The following SLC35F4 variants were observed in gnomAD, a reference collection of about 807,000 sequenced individuals.
SLC35F4 encodes the protein chromosome 14 open reading frame 36.
A neutral mutation model predicts 44.2 loss-of-function variants in SLC35F4; 24 were observed. The observed-to-expected ratio is 0.54, with a 90% confidence interval of 0.39 to 0.76. The LOEUF (loss-of-function observed/expected upper bound fraction) is 0.76. Ranked by LOEUF, SLC35F4 falls within the 30% of genes least tolerant of loss-of-function variation. SLC35F4 has a pLI of 0.00. For synonymous variants in SLC35F4, 238 were observed against 223.6 expected (o/e 1.06, Z -0.57); for missense variants, 562 against 586.1 (o/e 0.96, Z 0.42).
At chr14:57,758,796 C>T (rs1255190662) in intron 1 of SLC35F4, among the ~76,000 whole-genome samples, 1 of 152,086 alleles carries the variant, frequency 6.6e-6, no homozygotes. Flanking sequence ...TTAAAAAATT[C>T]TATATAATAA....
chr14:57,892,029 C>T (rs1888781474), intron 1 of SLC35F4, among the ~76,000 whole-genome samples: 1 of 151,984 alleles, frequency 6.6e-6, no homozygotes, highest in Non-Finnish European at 1.5e-5. Flanking sequence ...AAAATAATTC[C>T]AAGAGCTTTG....
At chr14:57,686,264 A>G (rs1398401709) in intron 1 of SLC35F4, among the ~76,000 whole-genome samples, 1 of 152,204 alleles carries the variant, frequency 6.6e-6, no homozygotes, top group African/African-American at 2.4e-5. Flanking sequence ...AATGTTACCA[A>G]GGAGTCAGTT....
intron 1 of SLC35F4, among the ~76,000 whole-genome samples, chr14:57,747,234 C>A (rs771386234): frequency 6.6e-6 from 1 of 152,128 alleles, no homozygotes; most frequent in Non-Finnish European, 1.5e-5. Context: ...AAGTTGAGAG[C>A]CTTAGAGGGC....
intron 1 of SLC35F4, among the ~76,000 whole-genome samples, chr14:57,901,213 A>C (rs1283753372): frequency 6.6e-6 from 1 of 152,246 alleles, no homozygotes; most frequent in African/African-American, 2.4e-5. Context: ...ATAAAGATAC[A>C]TGCATGCATA....
intron 1 of SLC35F4, among the ~76,000 whole-genome samples, chr14:57,698,724 A>G (rs1231693785): frequency 6.7e-6 from 1 of 149,238 alleles, no homozygotes; most frequent in African/African-American, 2.5e-5. Context: ...TGCGACCTCT[A>G]CCTCCCAGGT....
At chr14:57,875,625 C>T (rs1399450624) in intron 1 of SLC35F4, among the ~76,000 whole-genome samples, 1 of 152,142 alleles carries the variant, frequency 6.6e-6, no homozygotes, top group Non-Finnish European at 1.5e-5. Flanking sequence ...ATCTCATGAC[C>T]CAGCAGTTCA....
intron 1 of SLC35F4, among the ~76,000 whole-genome samples, chr14:57,627,000 C>T (rs1010489786): frequency 1.3e-5 from 2 of 152,076 alleles, no homozygotes; most frequent in African/African-American, 4.8e-5. Flanking sequence ...CACTGTAGCC[C>T]TCAAATGCTC....
chr14:57,624,369 G>T (rs2072359125), intron 1 of SLC35F4, among the ~76,000 whole-genome samples: 1 of 152,136 alleles, frequency 6.6e-6, no homozygotes, highest in Non-Finnish European at 1.5e-5. Context: ...TCTACCAGAG[G>T]TACAAAGAGG....
At chr14:57,812,489 C>T (rs1040549526) in intron 1 of SLC35F4, among the ~76,000 whole-genome samples, 1 of 152,162 alleles carries the variant, frequency 6.6e-6, no homozygotes, top group Non-Finnish European at 1.5e-5. Flanking sequence ...TGAGAGGCCC[C>T]CAGGCAGCTA....
At chr14:57,980,660 G>A (rs573625578) in intron 1 of SLC35F4, among the ~76,000 whole-genome samples, 3 of 151,134 alleles carry the variant, frequency 2.0e-5, no homozygotes, top group South Asian at 4.2e-4. Context: ...CTGTGTTTGT[G>A]TACATGTATG....
chr14:57,610,026 A>G (rs2071400151), intron 1 of SLC35F4, among the ~76,000 whole-genome samples: 1 of 152,204 alleles, frequency 6.6e-6, no homozygotes, highest in Non-Finnish European at 1.5e-5. Flanking sequence ...TGACCCACAC[A>G]TCTATAGTCC....
At chr14:57,761,137 C>T (rs1393924208) in intron 1 of SLC35F4, among the ~76,000 whole-genome samples, 1 of 152,174 alleles carries the variant, frequency 6.6e-6, no homozygotes, top group African/African-American at 2.4e-5. Context: ...TGTTTCCCAT[C>T]ATTCAGAGAT....
intron 5 of SLC35F4, among the ~76,000 whole-genome samples, chr14:57,571,011 G>C (rs1469584333): frequency 6.6e-6 from 1 of 152,058 alleles, no homozygotes; most frequent in Non-Finnish European, 1.5e-5. Context: ...GCCAAGAAAT[G>C]TCAATATGGA....
chr14:57,788,397 A>G (rs916303567), intron 1 of SLC35F4, among the ~76,000 whole-genome samples: 1 of 152,154 alleles, frequency 6.6e-6, no homozygotes, highest in African/African-American at 2.4e-5. Context: ...GGATTTAACT[A>G]TACTTTGGAA....
intron 1 of SLC35F4, among the ~76,000 whole-genome samples, chr14:57,947,671 A>G (rs1051943673): frequency 6.6e-6 from 1 of 152,116 alleles, no homozygotes; most frequent in Non-Finnish European, 1.5e-5. Flanking sequence ...TTTGTCATAG[A>G]TGGCTTTTAT....
At chr14:57,890,629 A>T (rs941068308) in intron 1 of SLC35F4, among the ~76,000 whole-genome samples, 1 of 152,160 alleles carries the variant, frequency 6.6e-6, no homozygotes, top group Non-Finnish European at 1.5e-5. Context: ...TCTGAAACAC[A>T]CAAGCTCTTT....
chr14:57,687,684 A>C (rs1213544919), intron 1 of SLC35F4, among the ~76,000 whole-genome samples: 1 of 152,150 alleles, frequency 6.6e-6, no homozygotes, highest in Non-Finnish European at 1.5e-5. Flanking sequence ...CCTGCAAGAC[A>C]TACACAGAGG....
intron 1 of SLC35F4, among the ~76,000 whole-genome samples, chr14:57,921,786 G>A (rs1889448357): frequency 6.6e-6 from 1 of 152,122 alleles, no homozygotes; most frequent in Non-Finnish European, 1.5e-5. Context: ...ATTTTAGTAT[G>A]ACCTCGTCTG....
intron 1 of SLC35F4, among the ~76,000 whole-genome samples, chr14:57,927,023 A>T (rs1282424982): frequency 6.6e-6 from 1 of 152,234 alleles, no homozygotes; most frequent in East Asian, 1.9e-4. Context: ...TGAAGGCCAC[A>T]TTCCCCAAAG....
Sources: allele counts gnomAD v4.1 joint callset (sites outside exome capture counted in the v4.1 genomes callset), GRCh38; gene constraint gnomAD v4.1.1; transcripts MANE v1.5; gene names NCBI Gene and HGNC (gene_info 2026-07-23, HGNC 2026-07-21).